The following TANC1 variants were observed in gnomAD, a reference collection of about 807,000 sequenced individuals.
The protein encoded by TANC1 is protein TANC1.
In TANC1, 77 loss-of-function variants were observed where a neutral mutation model predicts 149.7. The observed-to-expected ratio is 0.51, with a 90% CI of 0.43 to 0.62. TANC1 has a LOEUF of 0.62. Ranked by LOEUF, TANC1 falls within the 20% of genes least tolerant of loss-of-function variation. The pLI is 0.00. For missense variants in TANC1, 1,985 were observed against 2,321.8 expected (o/e 0.85, Z 2.98); for synonymous variants, 854 against 925.0 (o/e 0.92, Z 1.39).
intron 8 of TANC1, among the ~76,000 whole-genome samples, chr2:159,165,733 A>C (rs889312407): frequency 6.6e-6 from 1 of 152,238 alleles, no homozygotes; most frequent in African/African-American, 2.4e-5. Context: ...TCTTAGAAGT[A>C]TTTGCATGTT....
intron 5 of TANC1, among the ~76,000 whole-genome samples, chr2:159,142,275 A>G (rs1038632250): frequency 1.3e-5 from 2 of 152,254 alleles, no homozygotes; most frequent in Non-Finnish European, 2.9e-5. Context: ...ACTCTTTATA[A>G]TAGTACAAAA....
chr2:159,095,783 C>T (rs1278980468), intron 3 of TANC1, among the ~76,000 whole-genome samples: 1 of 148,664 alleles, frequency 6.7e-6, no homozygotes, highest in Admixed American at 6.7e-5. Context: ...TCCTATATGT[C>T]TCATATAAGG....
intron 14 of TANC1, among the ~76,000 whole-genome samples, chr2:159,185,278 G>A (rs2056869226): frequency 6.6e-6 from 1 of 152,200 alleles, no homozygotes; most frequent in African/African-American, 2.4e-5. Context: ...AAATGGGCAG[G>A]AAAATAGGCA....
chr2:159,206,337 A>G (rs551437245), intron 19 of TANC1, among the ~76,000 whole-genome samples: 4 of 152,278 alleles, frequency 2.6e-5, no homozygotes, highest in African/African-American at 9.6e-5. Flanking sequence ...GGGTTTGTCC[A>G]TACCCTATCC....
intron 16 of TANC1, 136 bp downstream of exon 16, chr2:159,187,160 G>T (rs2057049755): frequency 9.8e-7 from 1 of 1,024,772 alleles, no homozygotes; most frequent in Non-Finnish European, 1.4e-6. Context: ...GTGCTTCCCT[G>T]ATCACACGGG....
chr2:159,011,335 CA>C (rs1223011343), intron 2 of TANC1, among the ~76,000 whole-genome samples: 3 of 150,566 alleles, frequency 2.0e-5, no homozygotes, highest in East Asian at 2.0e-4. Flanking sequence ...ACAACAACAA[CA>C]AAAAAAAACC....
intron 2 of TANC1, among the ~76,000 whole-genome samples, chr2:159,009,474 C>T (rs1449738305): frequency 6.6e-6 from 1 of 152,122 alleles, no homozygotes; most frequent in Admixed American, 6.5e-5. Flanking sequence ...GACACTATGT[C>T]AAGTGAAATA....
chr2:159,220,078 C>A (rs11684364), intron 22 of TANC1, among the ~76,000 whole-genome samples: 53,895 of 151,068 alleles, frequency 0.36, 12,631 homozygotes, highest in Non-Finnish European at 0.55. Flanking sequence ...TATTCCAGGA[C>A]TTAAGATTTT....
At chr2:159,044,519 C>T (rs368784357) in intron 2 of TANC1, among the ~76,000 whole-genome samples, 1 of 152,106 alleles carries the variant, frequency 6.6e-6, no homozygotes, top group Non-Finnish European at 1.5e-5. Context: ...TATTTGCATT[C>T]TGTCTCCAAT....
chr2:158,968,797 C>G lies in TANC1; in HGVS notation c.-126+15C>G, dbSNP rs933084963. On this transcript the variant is annotated intron_variant, in intron 1 of 26. Transcript: ENST00000263635. ...TTTCCCGGCAGGTAACTCCCGCAGC[C>G]CGGACTCCGCCGCGGGCCTGCGAGC... 2.6e-5 allele frequency: 4 copies of G among 152,432 alleles called. No individual in the cohort carries two copies. Among genetic ancestry groups the G allele is most frequent in the Non-Finnish European group, 5.9e-5 (4 of 68,224 alleles). 9.4% of individuals were successfully genotyped at this position (152,432 alleles called of 1,614,324 possible).
intron 2 of TANC1, among the ~76,000 whole-genome samples, chr2:159,009,568 GA>G (rs2037557166): frequency 1.3e-5 from 2 of 152,172 alleles, no homozygotes; most frequent in Non-Finnish European, 2.9e-5. Flanking sequence ...GTAGAGAGTA[GA>G]ATAGTGGTTA....
intron 3 of TANC1, among the ~76,000 whole-genome samples, chr2:159,080,494 C>G (rs1307175484): frequency 1.3e-5 from 2 of 152,154 alleles, no homozygotes; most frequent in Non-Finnish European, 2.9e-5. Flanking sequence ...ATGGCTAGAA[C>G]TCTTAAGAGT....
rs773766792 is a variant in TANC1, at chr2:159,163,288, A to G, written c.688A>G (p.Ile230Val). 1.2e-6 allele frequency: 2 copies of G among 1,612,700 alleles called. No individual in the cohort carries two copies. Among genetic ancestry groups the G allele is most frequent in the Non-Finnish European group, 8.5e-7 (1 of 1,179,060 alleles). Residue 230 changes from isoleucine to valine, a missense_variant, in exon 8 of 27, where the codon ATT becomes GTT. Physicochemically the swap from Ile to Val is conservative, Grantham distance 29. Transcript: ENST00000263635. ...ESKDSGIIATITSSSENDDRS... is the reference protein window; with the variant it reads ...ESKDSGIIATVTSSSENDDRS... ...ATTTTGGTCTTTCATTTCAGCCACA[A>G]TTACAAGTTCATCCGAAAATGATGA...
At chr2:159,133,243 A>C (rs1405497224) in intron 4 of TANC1, among the ~76,000 whole-genome samples, 1 of 152,104 alleles carries the variant, frequency 6.6e-6, no homozygotes, top group Non-Finnish European at 1.5e-5. Flanking sequence ...CTTCAAATGG[A>C]TGAGGGCAGA....
chr2:159,099,705 A>C (rs2046483906), intron 4 of TANC1, among the ~76,000 whole-genome samples: 2 of 118,614 alleles, frequency 1.7e-5, no homozygotes, highest in Non-Finnish European at 1.6e-5. Context: ...ATCCTCCACC[A>C]TCTTCCAGGT....
chr2:159,139,224 G>A (rs2051103565), intron 5 of TANC1, among the ~76,000 whole-genome samples: 1 of 151,982 alleles, frequency 6.6e-6, no homozygotes, highest in Non-Finnish European at 1.5e-5. Context: ...AGGAAGGAAA[G>A]GAAGGAGTTT....
intron 2 of TANC1, among the ~76,000 whole-genome samples, chr2:159,046,105 G>GT (rs1002001361): frequency 1.6e-4 from 24 of 148,862 alleles, no homozygotes; most frequent in South Asian, 4.2e-4. Context: ...AAAGTTGTGG[G>GT]TTTTTTTTTT....
chr2:159,048,718 G>A (rs1293857995), intron 2 of TANC1, among the ~76,000 whole-genome samples: 1 of 152,190 alleles, frequency 6.6e-6, no homozygotes, highest in Non-Finnish European at 1.5e-5. Context: ...AGTAAAACTA[G>A]TTTAGAACAG....
At chr2:159,150,266 C>A in intron 6 of TANC1, 104 bp from the exon 7 acceptor site, 1 of 894,878 alleles carries the variant, frequency 1.1e-6, no homozygotes, top group Non-Finnish European at 1.7e-6. Flanking sequence ...TTTAAAACTT[C>A]CGTTTTCCTG....
Sources: gnomAD v4.1 joint callset for allele counts (sites outside exome capture counted in the v4.1 genomes callset) on GRCh38, gnomAD v4.1.1 for gene constraint, MANE v1.5 for transcripts, NCBI Gene and HGNC (gene_info 2026-07-23, HGNC 2026-07-21) for gene names.